The following WWP1 variants were observed in gnomAD, a reference collection of about 807,000 sequenced individuals.
WWP1 encodes the protein NEDD4-like E3 ubiquitin-protein ligase WWP1.
In WWP1, 49 loss-of-function variants were observed where a neutral mutation model predicts 130.6. That is an observed-to-expected ratio of 0.38 (90% CI 0.30 to 0.48). WWP1 has a LOEUF of 0.48. Ranked by LOEUF, WWP1 falls within the 20% of genes least tolerant of loss-of-function variation. WWP1 has a pLI of 0.99. For missense variants in WWP1, 809 were observed against 1,100.6 expected, an observed-to-expected ratio of 0.74 and a Z score of 3.75; for synonymous variants, 332 against 367.8, an observed-to-expected ratio of 0.90 and a Z score of 1.11.
intron 1 of WWP1, among the ~76,000 whole-genome samples, chr8:86,359,855 C>T (rs1484084188): frequency 1.3e-5 from 2 of 152,038 alleles, no homozygotes; most frequent in East Asian, 1.9e-4. Context: ...CGAGACCATC[C>T]TGGCTAACAA....
intron 11 of WWP1, 43 bp downstream of exon 11, chr8:86,427,860 A>C: frequency 6.5e-7 from 1 of 1,548,206 alleles, no homozygotes; most frequent in Non-Finnish European, 8.7e-7. Flanking sequence ...TTCCTCCCTC[A>C]GGTGTTTCTT....
intron 1 of WWP1, among the ~76,000 whole-genome samples, chr8:86,360,211 T>C (rs1429473576): frequency 7.9e-5 from 12 of 152,146 alleles, no homozygotes; most frequent in Non-Finnish European, 1.5e-4. Context: ...TTCTCTTTGA[T>C]AGTCAAAATC....
intron 3 of WWP1, among the ~76,000 whole-genome samples, chr8:86,374,550 C>T (rs1824521451): frequency 6.6e-6 from 1 of 152,084 alleles, no homozygotes; most frequent in African/African-American, 2.4e-5. Flanking sequence ...TTTCAGTTAA[C>T]AGAGCTAGGA....
chr8:86,361,280 C>T (rs1239805675), intron 1 of WWP1, among the ~76,000 whole-genome samples: 1 of 152,092 alleles, frequency 6.6e-6, no homozygotes, highest in African/African-American at 2.4e-5. Context: ...AGGCAGAAAT[C>T]TGGGACATAT....
chr8:86,406,352 T>C (rs372776883), intron 8 of WWP1, among the ~76,000 whole-genome samples: 45 of 152,318 alleles, frequency 3.0e-4, no homozygotes, highest in African/African-American at 9.4e-4. Flanking sequence ...TAACTTCTAG[T>C]GTCAAATAAC....
intron 10 of WWP1, among the ~76,000 whole-genome samples, chr8:86,427,175 AAAG>A (rs1374678945): frequency 6.6e-6 from 1 of 152,078 alleles, no homozygotes; most frequent in Non-Finnish European, 1.5e-5. Flanking sequence ...AAAAAAAAAA[AAAG>A]AGGGAGAAAG....
At chr8:86,400,735 A>G (rs1433581605) in intron 7 of WWP1, among the ~76,000 whole-genome samples, 2 of 152,242 alleles carry the variant, frequency 1.3e-5, no homozygotes, top group East Asian at 1.9e-4. Context: ...AAGACTGTTC[A>G]GTATGTTTTT....
chr8:86,445,089 GA>G (rs1353669939), intron 18 of WWP1, among the ~76,000 whole-genome samples: 1 of 152,064 alleles, frequency 6.6e-6, no homozygotes, highest in Non-Finnish European at 1.5e-5. Context: ...GGGTGGGGAG[GA>G]AGTGCCATAC....
At chr8:86,380,910 A>AT (rs745404941) in intron 4 of WWP1, 46 bp downstream of exon 4, 56 of 1,521,266 alleles carry the variant, frequency 3.7e-5, no homozygotes, top group Non-Finnish European at 1.8e-5. Context: ...AAGAAAGTGT[A>AT]TTTTTTGGAA....
chr8:86,458,453 T>C (rs1811575421), intron 22 of WWP1, among the ~76,000 whole-genome samples: 1 of 152,200 alleles, frequency 6.6e-6, no homozygotes, highest in African/African-American at 2.4e-5. Context: ...AGAATGACTT[T>C]ATTCATTTAT....
At chr8:86,374,216 T>C (rs1824494908) in intron 3 of WWP1, 96 bp downstream of exon 3, 2 of 1,021,760 alleles carry the variant, frequency 2.0e-6, no homozygotes, top group African/African-American at 1.6e-5. Context: ...GAATTTCTTT[T>C]AGATTCATAC....
intron 24 of WWP1, among the ~76,000 whole-genome samples, chr8:86,463,074 G>C (rs1018115281): frequency 2.0e-5 from 3 of 152,128 alleles, no homozygotes; most frequent in African/African-American, 7.2e-5. Context: ...AGTTGTTTGA[G>C]TTGAAAGCTG....
At chr8:86,396,025 GAAAT>G (rs1174757364) in intron 5 of WWP1, among the ~76,000 whole-genome samples, 1 of 152,006 alleles carries the variant, frequency 6.6e-6, no homozygotes, top group African/African-American at 2.4e-5. Flanking sequence ...TGACAAGAAT[GAAAT>G]TGAATGTCAG....
At position 86,424,020 on chromosome 8, in the gene WWP1, C is replaced by T. The variant is rs866207939; in HGVS notation, c.1062-1203C>T. 1.2e-3 allele frequency among the ~76,000 whole-genome samples: 176 copies of T among 145,316 alleles called. 1 individual carries two copies. Among genetic ancestry groups the T allele is most frequent in the Middle Eastern group, 7.5e-3 (2 of 266 alleles). On this transcript the variant is annotated intron_variant, in intron 9 of 24. Transcript: ENST00000517970. ...CCTCCCTCCCGGACGGGGCAGCTGC[C>T]GGGCGGAGACGCTCCTCACTTCCCA...
intron 24 of WWP1, among the ~76,000 whole-genome samples, chr8:86,463,564 G>A (rs1429443775): frequency 4.0e-5 from 6 of 151,840 alleles, no homozygotes; most frequent in Non-Finnish European, 7.4e-5. Context: ...CCTTGGCCTC[G>A]CAAAGTGCTG....
chr8:86,401,071 A>C (rs1179979910), intron 7 of WWP1, among the ~76,000 whole-genome samples: 1 of 151,704 alleles, frequency 6.6e-6, no homozygotes, highest in Non-Finnish European at 1.5e-5. Flanking sequence ...CACTGCCAAT[A>C]AGACTTAAAA....
intron 8 of WWP1, among the ~76,000 whole-genome samples, chr8:86,410,659 TC>T (rs1382590795): frequency 3.3e-5 from 5 of 151,858 alleles, no homozygotes; most frequent in African/African-American, 1.2e-4. Context: ...GAAATTCTGA[TC>T]TTTTTTTTGG....
chr8:86,459,023 C>CTTTTTTTTTTTTTTTTTTTTTTTTT (rs71275853), intron 22 of WWP1, among the ~76,000 whole-genome samples: 1 of 84,260 alleles, frequency 1.2e-5, no homozygotes, highest in Non-Finnish European at 2.1e-5. Context: ...TTTCTTTTTT[C>CTTTTTTTTTTTTTTTTTTTTTTTTT]TTTTTTTTTT....
At chr8:86,410,946 G>T (rs1808548482) in intron 8 of WWP1, among the ~76,000 whole-genome samples, 1 of 151,932 alleles carries the variant, frequency 6.6e-6, no homozygotes, top group African/African-American at 2.4e-5. Context: ...GTTTTAATTT[G>T]ACTCATTTTT....
Sources: gnomAD v4.1 joint callset for allele counts (sites outside exome capture counted in the v4.1 genomes callset) on GRCh38, gnomAD v4.1.1 for gene constraint, MANE v1.5 for transcripts, NCBI Gene and HGNC (gene_info 2026-07-23, HGNC 2026-07-21) for gene names.